SHC3: variants seen among roughly 807,000 people sequenced by gnomAD.
The protein encoded by SHC3 is SHC adaptor protein 3, also known as SHC-transforming protein 3.
In SHC3, 15 loss-of-function variants were observed where a neutral mutation model predicts 60.4. The observed-to-expected ratio is 0.25, with a 90% confidence interval of 0.17 to 0.38. The LOEUF (loss-of-function observed/expected upper bound fraction) is 0.38, where lower values mean the gene tolerates loss of function less well. Ranked by LOEUF, SHC3 falls within the 10% of genes least tolerant of loss-of-function variation. The pLI is 1.00. For synonymous variants in SHC3, 294 were observed against 325.9 expected, an observed-to-expected ratio of 0.90 and a Z score of 1.05; for missense variants, 677 against 786.1, an observed-to-expected ratio of 0.86 and a Z score of 1.66.
intron 1 of SHC3, among the ~76,000 whole-genome samples, chr9:89,176,822 A>G (rs1826947973): frequency 6.6e-6 from 1 of 152,232 alleles, no homozygotes; most frequent in Admixed American, 6.5e-5. Flanking sequence ...TACTTTTTAT[A>G]TAGTTAAAGG....
chr9:89,147,087 A>G (rs150626930), intron 1 of SHC3, among the ~76,000 whole-genome samples: 115 of 152,330 alleles, frequency 7.5e-4, no homozygotes, highest in African/African-American at 2.7e-3. Flanking sequence ...TGATATGTTC[A>G]TGAAATATAA....
At chr9:89,110,404 T>C (rs191673625) in intron 2 of SHC3, 3 of 985,260 alleles carry the variant, frequency 3.0e-6, no homozygotes, top group Non-Finnish European at 3.6e-6. Context: ...GATTTCCCTA[T>C]AAACTTCCAA....
intron 1 of SHC3, among the ~76,000 whole-genome samples, chr9:89,116,725 T>G (rs1389713191): frequency 1.3e-5 from 2 of 152,118 alleles, no homozygotes; most frequent in African/African-American, 4.8e-5. Flanking sequence ...CATCACAGAA[T>G]TATGTGAATA....
At chr9:89,089,880 G>A (rs1279954057) in intron 2 of SHC3, among the ~76,000 whole-genome samples, 1 of 152,204 alleles carries the variant, frequency 6.6e-6, no homozygotes, top group Non-Finnish European at 1.5e-5. Flanking sequence ...AAGCCCCCAA[G>A]GGCCACGGCT....
chr9:89,040,347 C>G (rs1348631721), intron 10 of SHC3, among the ~76,000 whole-genome samples: 2 of 150,804 alleles, frequency 1.3e-5, no homozygotes, highest in African/African-American at 4.9e-5. Flanking sequence ...ACACAGAGTG[C>G]TGGCTTTATT....
intron 1 of SHC3, among the ~76,000 whole-genome samples, chr9:89,152,930 C>G (rs902790780): frequency 6.6e-6 from 1 of 152,078 alleles, no homozygotes; most frequent in Non-Finnish European, 1.5e-5. Context: ...AAGATAATTG[C>G]CGTAAACTAA....
chr9:89,171,750 G>A (rs981613668), intron 1 of SHC3, among the ~76,000 whole-genome samples: 77 of 152,268 alleles, frequency 5.1e-4, no homozygotes, highest in Non-Finnish European at 1.2e-4. Flanking sequence ...CTGTCTCCTC[G>A]ATTTCCCTTT....
chr9:89,036,050 C>A (rs1445563448), intron 11 of SHC3, among the ~76,000 whole-genome samples: 1 of 151,886 alleles, frequency 6.6e-6, no homozygotes, highest in Non-Finnish European at 1.5e-5. Flanking sequence ...TCAAAACCAT[C>A]AAGCACAAAG....
chr9:89,141,174 CT>C (rs1826388172), intron 1 of SHC3, among the ~76,000 whole-genome samples: 2 of 152,108 alleles, frequency 1.3e-5, no homozygotes, highest in Admixed American at 6.5e-5. Flanking sequence ...GGAATTGACC[CT>C]GAAGTTGGGA....
chr9:89,146,714 G>C (rs1225338446), intron 1 of SHC3, among the ~76,000 whole-genome samples: 1 of 152,164 alleles, frequency 6.6e-6, no homozygotes, highest in Non-Finnish European at 1.5e-5. Context: ...AAAAATACTA[G>C]TTTAAACGTG....
chr9:89,051,854 A>T (rs546411949), intron 7 of SHC3, among the ~76,000 whole-genome samples, 183 bp downstream of exon 7: 9 of 152,214 alleles, frequency 5.9e-5, no homozygotes, highest in African/African-American at 2.2e-4. Flanking sequence ...AGCATCATCC[A>T]TATGTTGGCT....
intron 1 of SHC3, among the ~76,000 whole-genome samples, chr9:89,130,969 G>C (rs1826235770): frequency 6.6e-6 from 1 of 152,082 alleles, no homozygotes; most frequent in South Asian, 2.1e-4. Flanking sequence ...GAATCCAGGA[G>C]CTGGTTTTTT....
chr9:89,108,290 A>G (rs1042556402), intron 2 of SHC3, among the ~76,000 whole-genome samples: 16 of 152,090 alleles, frequency 1.1e-4, no homozygotes, highest in African/African-American at 3.4e-4. Context: ...AGGTGAATGG[A>G]TCACTTGAGC....
intron 1 of SHC3, among the ~76,000 whole-genome samples, chr9:89,143,428 G>A (rs1399516439): frequency 6.6e-6 from 1 of 152,030 alleles, no homozygotes; most frequent in Non-Finnish European, 1.5e-5. Context: ...CTCATCCTGT[G>A]ACTTAGAATG....
rs1420711308 is a variant in SHC3 at position 89,008,241 on chromosome 9, G to T, written c.*5206C>A. 1 of 152,154 alleles carries T rather than the reference G, an allele frequency of 6.6e-6. No individual in the cohort carries two copies. The highest frequency in any genetic ancestry group is 1.5e-5 in the Non-Finnish European group (1 of 68,032). The allele number at this position is 152,154 out of a possible 1,614,324, so 9.4% of individuals were successfully genotyped here. A position where few individuals can be genotyped will look rare whatever the true frequency, so the allele number is the denominator to read the frequency against. On this transcript the variant is annotated 3_prime_UTR_variant, in exon 12 of 12. Coordinates refer to ENST00000375835, the MANE Select transcript of SHC3 (RefSeq NM_016848.6). Reference sequence around the variant, plus strand: ...AGATGGCATTTAAGCTGCCAGCAATGGTTGCATGGAGTTATAAATGCTTAT... The same window carrying T: ...AGATGGCATTTAAGCTGCCAGCAATTGTTGCATGGAGTTATAAATGCTTAT...
At position 89,092,510 on chromosome 9, in the gene SHC3, G is replaced by A. The variant is rs540471707; in HGVS notation, c.546-14607C>T. Among the ~76,000 whole-genome samples, 185 of 151,520 alleles carry A rather than the reference G, an allele frequency of 1.2e-3. 1 individual carries two copies. Among genetic ancestry groups the A allele is most frequent in the African/African-American group, 4.3e-3 (176 of 41,284 alleles). ...CGGGCACCTGTAGTCCCAGCTACTC[G>A]GGAGGCTGAGGCAGGAGAATGGTGT... On this transcript the variant is annotated intron_variant, in intron 2 of 11. Transcript: ENST00000375835.
chr9:89,110,519 A>G, intron 2 of SHC3: 1 of 927,556 alleles, frequency 1.1e-6, no homozygotes, highest in Non-Finnish European at 1.3e-6. Flanking sequence ...AGTGTGCTAC[A>G]TCTGCAAGAC....
At chr9:89,103,987 A>G (rs1241616972) in intron 2 of SHC3, among the ~76,000 whole-genome samples, 1 of 152,224 alleles carries the variant, frequency 6.6e-6, no homozygotes, top group Non-Finnish European at 1.5e-5. Flanking sequence ...TCAGAGAGGT[A>G]CATTTTGACA....
chr9:89,123,924 T>A lies in SHC3; in HGVS notation c.475-11298A>T, dbSNP rs571657130. Among the ~76,000 whole-genome samples, 6 of 152,330 alleles carry A rather than the reference T, an allele frequency of 3.9e-5. No individual in the cohort carries two copies. The South Asian group carries it at 1.2e-3, about 32-fold the overall frequency. On this transcript the variant is annotated intron_variant, in intron 1 of 11. Coordinates refer to ENST00000375835, the MANE Select transcript of SHC3 (RefSeq NM_016848.6). ...TAATATGAACATTTTATTGTTAGTA[T>A]GCTGACTAATTTGCCTTTTAGGCAT...
Sources: gnomAD v4.1 joint callset for allele counts (sites outside exome capture counted in the v4.1 genomes callset) on GRCh38, gnomAD v4.1.1 for gene constraint, MANE v1.5 for transcripts, NCBI Gene and HGNC (gene_info 2026-07-23, HGNC 2026-07-21) for gene names.